The following HHIP variants were observed in gnomAD, a reference collection of about 807,000 sequenced individuals.
The protein encoded by HHIP is hedgehog interacting protein.
HHIP carries 12 observed loss-of-function variants against 74.0 expected under a neutral mutation model. The ratio of observed to expected loss-of-function variants is 0.16; its 90% CI spans 0.10 to 0.26. HHIP has a LOEUF of 0.26. Ranked by LOEUF, HHIP falls within the 10% of genes least tolerant of loss-of-function variation. HHIP has a pLI of 1.00. For missense variants in HHIP, 788 were observed against 845.0 expected (o/e 0.93, Z 0.84); for synonymous variants, 309 against 311.6 (o/e 0.99, Z 0.09).
chr4:144,646,273 G>C lies in HHIP; in HGVS notation c.-403G>C, dbSNP rs202005903. ...CGCCGCCGTCGCCGTTTCTGTTCCT[G>C]CTACTGTCCCACCTAAACAACTCCC... On this transcript the variant is annotated 5_prime_UTR_variant, in exon 1 of 13. Coordinates refer to ENST00000296575, the MANE Select transcript of HHIP (RefSeq NM_022475.3). 6.9e-5 allele frequency: 12 copies of C among 172,666 alleles called. No individual in the cohort carries two copies. The highest frequency in any genetic ancestry group is 7.4e-5 in the Non-Finnish European group (6 of 81,606). 10.7% of individuals were successfully genotyped at this position (172,666 alleles called of 1,614,324 possible).
intron 4 of HHIP, among the ~76,000 whole-genome samples, chr4:144,681,499 C>T (rs996336859): frequency 6.7e-6 from 1 of 148,932 alleles, no homozygotes; most frequent in African/African-American, 2.5e-5. Context: ...AATCTCGGCT[C>T]ACTGCAGCCT....
intron 2 of HHIP, among the ~76,000 whole-genome samples, chr4:144,657,506 C>T (rs1728588035): frequency 6.6e-6 from 1 of 152,088 alleles, no homozygotes; most frequent in African/African-American, 2.4e-5. Context: ...ATAAGACTGA[C>T]TCTGGTAATA....
chr4:144,659,797 C>A lies in HHIP; in HGVS notation c.790C>A (p.Pro264Thr). The part of the protein sequence containing the change: ...LTPEGEIFKE[P>T]YLDIHKLVQS... Reference sequence around the variant, plus strand: ...CCCTGAAGGAGAAATTTTCAAGGAGCCTTATTTGGACATTCACAAACTTGT... The same window carrying A: ...CCCTGAAGGAGAAATTTTCAAGGAGACTTATTTGGACATTCACAAACTTGT... Residue 264 changes from proline to threonine, a missense_variant, in exon 4 of 13, where the codon CCT becomes ACT. Pro to Thr is a conservative substitution (Grantham distance 38). Around this residue, in one of 3 missense-constraint regions of HHIP, gnomAD observed 373 missense variants for 366.4 expected, o/e 1.02. Coordinates refer to ENST00000296575, the MANE Select transcript of HHIP (RefSeq NM_022475.3). 1.2e-6 allele frequency: 2 copies of A among 1,610,856 alleles called. No homozygotes were observed. Among genetic ancestry groups the A allele is most frequent in the Non-Finnish European group, 1.7e-6 (2 of 1,179,074 alleles).
In HHIP at chr4:144,659,741, T is replaced by C; in HGVS notation, c.734T>C (p.Leu245Pro). ...SGDGSQRLFI[L>P]EKEGYVKILT... ...GATGGCTCGCAACGTCTCTTCATTC[T>C]GGAAAAAGAAGGTTATGTGAAGATA... Residue 245 changes from leucine to proline, a missense_variant, in exon 4 of 13, where the codon CTG (leucine) becomes CCG (proline). Leu to Pro is a moderately conservative substitution (Grantham distance 98). Around this residue, in one of 3 missense-constraint regions of HHIP, gnomAD observed 373 missense variants for 366.4 expected, o/e 1.02. Transcript: ENST00000296575. The C allele has an allele frequency of 1.2e-6, 2 of 1,611,622 alleles. No homozygotes were observed. The highest frequency in any genetic ancestry group is 1.7e-5 in the Admixed American group (1 of 59,552).
At chr4:144,661,500 G>C (rs1197381819) in intron 4 of HHIP, 2 of 152,068 alleles carry the variant, frequency 1.3e-5, no homozygotes, top group African/African-American at 2.4e-5. Flanking sequence ...TTATGTCCAC[G>C]AGATAGGAAT....
chr4:144,718,640 G>C (rs538689316), intron 10 of HHIP, among the ~76,000 whole-genome samples: 1 of 152,274 alleles, frequency 6.6e-6, no homozygotes, highest in South Asian at 2.1e-4. Context: ...ATCTAGATGA[G>C]AAATAATATC....
intron 4 of HHIP, among the ~76,000 whole-genome samples, chr4:144,662,519 AAAAAGTTGTGGC>A (rs1362844687): frequency 6.6e-6 from 1 of 152,232 alleles, no homozygotes; most frequent in Non-Finnish European, 1.5e-5. Context: ...GCTATAGAAA[AAAAAGTTGTGGC>A]ATTGAGATTA....
chr4:144,654,907 C>G (rs1252819934), intron 2 of HHIP: 2 of 152,070 alleles, frequency 1.3e-5, no homozygotes, highest in Non-Finnish European at 2.9e-5. Flanking sequence ...AAATCAAAAA[C>G]TTGAAGAGGA....
At chr4:144,710,832 A>G (rs755997727) in intron 7 of HHIP, among the ~76,000 whole-genome samples, 1 of 152,242 alleles carries the variant, frequency 6.6e-6, no homozygotes, top group Non-Finnish European at 1.5e-5. Context: ...CCAAAATGTC[A>G]GCAGTGCCAA....
chr4:144,706,435 C>T, intron 4 of HHIP, 96 bp from the exon 5 acceptor site: 1 of 1,034,588 alleles, frequency 9.7e-7, no homozygotes, highest in Non-Finnish European at 1.4e-6. Flanking sequence ...AAAGATTATC[C>T]AAAAGAAAGA....
At chr4:144,657,357 T>C (rs1056580729) in intron 2 of HHIP, among the ~76,000 whole-genome samples, 2 of 152,184 alleles carry the variant, frequency 1.3e-5, no homozygotes, top group African/African-American at 2.4e-5. Context: ...GTTATACAAC[T>C]TCTAAATTTC....
intron 4 of HHIP, among the ~76,000 whole-genome samples, chr4:144,688,179 A>C (rs1275225334): frequency 6.6e-6 from 1 of 152,118 alleles, no homozygotes; most frequent in Non-Finnish European, 1.5e-5. Context: ...ATAATAAACT[A>C]ACACTAAGTC....
intron 4 of HHIP, among the ~76,000 whole-genome samples, chr4:144,684,321 C>T (rs1355568975): frequency 1.7e-5 from 2 of 119,224 alleles, no homozygotes; most frequent in African/African-American, 3.3e-5. Flanking sequence ...TGCAGTGGCG[C>T]GATCTCGGCT....
At chr4:144,709,560 T>C (rs1730232744) in intron 7 of HHIP, among the ~76,000 whole-genome samples, 1 of 152,130 alleles carries the variant, frequency 6.6e-6, no homozygotes, top group Admixed American at 6.5e-5. Context: ...AAAGTTGGTG[T>C]TTATATTCCA....
intron 4 of HHIP, among the ~76,000 whole-genome samples, chr4:144,700,962 C>T (rs1307488416): frequency 6.6e-6 from 1 of 152,146 alleles, no homozygotes; most frequent in African/African-American, 2.4e-5. Flanking sequence ...TAAGAGAAAG[C>T]ATAGATTTGC....
At position 144,738,171 on chromosome 4, in the gene HHIP, T is replaced by C. The variant is rs1731172823; in HGVS notation, c.*214T>C. 1 of 1,166,482 alleles carries C rather than the reference T, an allele frequency of 8.6e-7. No homozygotes were observed. The highest frequency in any genetic ancestry group is 1.1e-6 in the Non-Finnish European group (1 of 946,152). 72.3% of individuals were successfully genotyped at this position (1,166,482 alleles called of 1,614,324 possible). A position where few individuals can be genotyped will look rare whatever the true frequency, so the allele number is the denominator to read the frequency against. On this transcript the variant is annotated 3_prime_UTR_variant, in exon 13 of 13. Transcript: ENST00000296575. ...CACATACTCATAACCCCTATATGCG[T>C]TGTTGCATAACAGATGATTTTTTAA...
chr4:144,653,217 A>G (rs753390869), intron 2 of HHIP, among the ~76,000 whole-genome samples: 13 of 152,146 alleles, frequency 8.5e-5, no homozygotes, highest in Non-Finnish European at 1.5e-4. Context: ...TGTAAGATAG[A>G]TCCTTAAACA....
chr4:144,658,677 T>C lies in HHIP; in HGVS notation c.473-113T>C, dbSNP rs1354754983. The stretch of plus-strand genomic sequence containing the variant: ...TTTTTATTTCAGTCTAGGTTCTTCC[T>C]AAAATATCCACCTAGTTTCCCAAAA... On this transcript the variant is annotated intron_variant, in intron 2 of 12. Coordinates refer to ENST00000296575, the MANE Select transcript of HHIP (RefSeq NM_022475.3). The C allele has an allele frequency of 4.9e-6, 4 of 821,132 alleles. No individual in the cohort carries two copies. The African/African-American group carries it at 6.9e-5, about 14-fold the overall frequency. 50.9% of individuals were successfully genotyped at this position (821,132 alleles called of 1,614,324 possible).
chr4:144,687,163 T>A (rs901234131), intron 4 of HHIP, among the ~76,000 whole-genome samples: 2 of 152,238 alleles, frequency 1.3e-5, no homozygotes, highest in Non-Finnish European at 2.9e-5. Context: ...TGTTTATCTG[T>A]CTAGGTGTCA....
Sources: gnomAD v4.1 joint callset for allele counts (sites outside exome capture counted in the v4.1 genomes callset) on GRCh38, gnomAD v4.1.1 for gene constraint, gnomAD v4.1.1 regional missense constraint, MANE v1.5 for transcripts, NCBI Gene and HGNC (gene_info 2026-07-23, HGNC 2026-07-21) for gene names.